CIMAP3: variants seen among roughly 807,000 people sequenced by gnomAD.
CIMAP3 encodes the protein ciliary microtubule-associated protein 3.
chr1:111,352,931 T>G, the CIMAP3 span: 1 of 152,342 alleles, frequency 6.6e-6, no homozygotes, highest in East Asian at 1.9e-4. Context: ...AAAGATAAAA[T>G]TTTAATATAG....
chr1:111,331,972 A>G, the CIMAP3 span, among the ~76,000 whole-genome samples: 2 of 152,220 alleles, frequency 1.3e-5, no homozygotes, highest in African/African-American at 4.8e-5. Context: ...ATAAACCACA[A>G]TGATGGCATT....
At chr1:111,325,789 G>A in the CIMAP3 span, among the ~76,000 whole-genome samples, 1 of 152,112 alleles carries the variant, frequency 6.6e-6, no homozygotes, top group South Asian at 2.1e-4. Context: ...AATTAGTCCA[G>A]AATTAAGAGA....
chr1:111,335,494 C>A, the CIMAP3 span, among the ~76,000 whole-genome samples: 32 of 152,310 alleles, frequency 2.1e-4, no homozygotes, highest in East Asian at 6.2e-3. Context: ...GTCACTCCCA[C>A]CCAAGTACTG....
the CIMAP3 span, among the ~76,000 whole-genome samples, chr1:111,342,809 C>T: frequency 6.6e-6 from 1 of 152,192 alleles, no homozygotes; most frequent in African/African-American, 2.4e-5. Flanking sequence ...AAATTTTCCA[C>T]ATGCTTGTTC....
At chr1:111,346,598 T>G in the CIMAP3 span, 2 of 1,611,830 alleles carry the variant, frequency 1.2e-6, no homozygotes, top group African/African-American at 1.3e-5. Flanking sequence ...ATCACGGGAC[T>G]AGCCTTCGTT....
the CIMAP3 span, chr1:111,351,398 C>T: frequency 4.6e-6 from 6 of 1,303,026 alleles, no homozygotes; most frequent in African/African-American, 9.2e-5. Flanking sequence ...AGCTGCTCTT[C>T]TTCTTCTACG....
the CIMAP3 span, among the ~76,000 whole-genome samples, chr1:111,331,330 C>T: frequency 6.6e-6 from 1 of 152,134 alleles, no homozygotes; most frequent in African/African-American, 2.4e-5. Flanking sequence ...CTGCAATGCC[C>T]ATAGTATGGA....
At chr1:111,344,844 C>T in the CIMAP3 span, among the ~76,000 whole-genome samples, 1 of 152,192 alleles carries the variant, frequency 6.6e-6, no homozygotes, top group African/African-American at 2.4e-5. Context: ...CAATGATGAA[C>T]TGTATATACA....
At chr1:111,343,238 A>G in the CIMAP3 span, among the ~76,000 whole-genome samples, 1 of 152,240 alleles carries the variant, frequency 6.6e-6, no homozygotes, top group African/African-American at 2.4e-5. Context: ...ATTTAATTCA[A>G]TAATTTTAAA....
chr1:111,346,912 G>A, the CIMAP3 span: 1 of 1,613,568 alleles, frequency 6.2e-7, no homozygotes, highest in Non-Finnish European at 8.5e-7. Flanking sequence ...TATTTTAGAC[G>A]CTGCGGATAA....
the CIMAP3 span, chr1:111,346,676 G>A: frequency 1.2e-6 from 2 of 1,613,996 alleles, no homozygotes; most frequent in South Asian, 2.2e-5. Flanking sequence ...GAGCAGGTGA[G>A]GAGGGCTGCC....
At chr1:111,346,671 G>C in the CIMAP3 span, 1 of 1,614,090 alleles carries the variant, frequency 6.2e-7, no homozygotes, top group East Asian at 2.2e-5. Flanking sequence ...CAGCAGAGCA[G>C]GTGAGGAGGG....
At chr1:111,340,865 C>G in the CIMAP3 span, among the ~76,000 whole-genome samples, 1 of 151,998 alleles carries the variant, frequency 6.6e-6, no homozygotes, top group African/African-American at 2.4e-5. Context: ...GGGTATATAC[C>G]CAAAGGACTA....
the CIMAP3 span, among the ~76,000 whole-genome samples, chr1:111,337,245 G>A: frequency 6.6e-6 from 1 of 152,150 alleles, no homozygotes; most frequent in Non-Finnish European, 1.5e-5. Context: ...GCAAAATCAT[G>A]CCAAAATGTA....
the CIMAP3 span, chr1:111,347,626 T>C: frequency 1.5e-4 from 177 of 1,161,714 alleles, no homozygotes; most frequent in South Asian, 3.3e-4. Context: ...TTCTTTCTTT[T>C]TTTTTTTTTT....
chr1:111,341,656 T>C, the CIMAP3 span, among the ~76,000 whole-genome samples: 1 of 152,224 alleles, frequency 6.6e-6, no homozygotes, highest in African/African-American at 2.4e-5. Context: ...GCTTCTCATA[T>C]ATCAGTAGTT....
At chr1:111,347,622 C>CTTTTT in the CIMAP3 span, 1 of 809,740 alleles carries the variant, frequency 1.2e-6, no homozygotes, top group Non-Finnish European at 1.9e-6. Flanking sequence ...TTTTTTCTTT[C>CTTTTT]TTTTTTTTTT....
chr1:111,324,791 A>T, the CIMAP3 span: 2 of 985,350 alleles, frequency 2.0e-6, no homozygotes, highest in Non-Finnish European at 2.4e-6. Context: ...ACGACTGAGG[A>T]ATCCAGAAGG....
At chr1:111,347,622 C>CTTT in the CIMAP3 span, 82 of 810,482 alleles carry the variant, frequency 1.0e-4, no homozygotes, top group South Asian at 1.3e-4. Flanking sequence ...TTTTTTCTTT[C>CTTT]TTTTTTTTTT....
Sources: allele counts gnomAD v4.1 joint callset (sites outside exome capture counted in the v4.1 genomes callset), GRCh38; gene constraint gnomAD v4.1.1; transcripts MANE v1.5; gene names NCBI Gene and HGNC (gene_info 2026-07-23, HGNC 2026-07-21).